Variants in OPCML observed in about 807,000 individuals in gnomAD.
The protein encoded by OPCML is opioid binding protein/cell adhesion molecule like, also known as opioid-binding protein/cell adhesion molecule.
Under a neutral mutation model 37.8 loss-of-function variants are expected in OPCML, and 13 were observed. That is an observed-to-expected ratio of 0.34 (90% CI 0.22 to 0.55). OPCML has a LOEUF of 0.55. Among genes scored for constraint, OPCML ranks in the 20% least tolerant of loss-of-function variants. The probability of loss-of-function intolerance (pLI) is 0.91; values close to 1 mark genes in which losing one functional copy is unlikely to be tolerated. For missense variants in OPCML, 341 were observed against 435.6 expected (o/e 0.78, Z 1.93); for synonymous variants, 176 against 168.8 (o/e 1.04, Z -0.33).
intron 1 of OPCML, among the ~76,000 whole-genome samples, chr11:133,463,119 CA>C (rs558107695): frequency 0.019 from 963 of 49,890 alleles, 1 homozygote; most frequent in Middle Eastern, 0.087. Flanking sequence ...ACATCAGGCT[CA>C]AAAAAAAAAA....
chr11:132,441,171 T>TTTTTGTTTTG (rs560032637), intron 4 of OPCML, among the ~76,000 whole-genome samples: 1 of 114,576 alleles, frequency 8.7e-6, no homozygotes, highest in African/African-American at 3.4e-5. Context: ...TTTTGTTTTT[T>TTTTTGTTTTG]TTTTTTTTTT....
At chr11:132,600,839 C>CTTTTTTTTTTTTTTTTTTT (rs145586468) in intron 3 of OPCML, among the ~76,000 whole-genome samples, 1 of 94,534 alleles carries the variant, frequency 1.1e-5, no homozygotes, top group Non-Finnish European at 1.9e-5. Context: ...AAATAGTTAA[C>CTTTTTTTTTTTTTTTTTTT]TTTTTTTTTT....
chr11:132,718,723 C>T (rs778182234), intron 2 of OPCML, among the ~76,000 whole-genome samples: 11 of 152,132 alleles, frequency 7.2e-5, no homozygotes, highest in African/African-American at 1.4e-4. Flanking sequence ...GAAGCACACG[C>T]GGGCACACAA....
At chr11:133,230,491 A>G (rs538002694) in intron 1 of OPCML, among the ~76,000 whole-genome samples, 1 of 152,328 alleles carries the variant, frequency 6.6e-6, no homozygotes, top group South Asian at 2.1e-4. Context: ...ACAAAAGCAC[A>G]GGCCTTGAAC....
At chr11:132,517,131 TC>T (rs2096281750) in intron 4 of OPCML, among the ~76,000 whole-genome samples, 2 of 152,210 alleles carry the variant, frequency 1.3e-5, no homozygotes, top group South Asian at 2.1e-4. Context: ...GGGATTATGT[TC>T]TACTTGGCTC....
intron 1 of OPCML, among the ~76,000 whole-genome samples, chr11:133,406,593 G>C (rs11827169): frequency 0.014 from 2,080 of 152,296 alleles, 50 homozygotes; most frequent in African/African-American, 0.048. Context: ...ATGCTGTCAG[G>C]ATATGCTGTG....
intron 2 of OPCML, among the ~76,000 whole-genome samples, chr11:132,827,768 C>G (rs10219331): frequency 6.6e-6 from 1 of 151,756 alleles, no homozygotes; most frequent in Non-Finnish European, 1.5e-5. Context: ...GCCTCCCCAG[C>G]AGCTAGGACT....
rs532066545 is a variant in OPCML, at chr11:132,583,912, C to A, written c.380-54726G>T. On this transcript the variant is annotated intron_variant, in intron 3 of 7. Transcript: ENST00000524381. Reference sequence around the variant, plus strand: ...TACAGGCATGAACCACTGTGCCCGGCCTATAGGCTGATTTTTTTTATAGTT... The same window carrying A: ...TACAGGCATGAACCACTGTGCCCGGACTATAGGCTGATTTTTTTTATAGTT... Among the ~76,000 whole-genome samples the A allele has an allele frequency of 3.3e-5, 5 of 152,204 alleles. No individual in the cohort carries two copies. In the South Asian group the frequency reaches 8.3e-4, roughly 25 times the overall value.
At chr11:133,019,896 A>G (rs1218230543) in intron 1 of OPCML, among the ~76,000 whole-genome samples, 1 of 152,178 alleles carries the variant, frequency 6.6e-6, no homozygotes, top group Admixed American at 6.5e-5. Flanking sequence ...CTGAGGGTCC[A>G]CTCAACCACA....
chr11:133,471,680 T>A (rs564724517), intron 1 of OPCML, among the ~76,000 whole-genome samples: 1 of 152,348 alleles, frequency 6.6e-6, no homozygotes, highest in African/African-American at 2.4e-5. Flanking sequence ...TTACAGCATA[T>A]TTTACGGACT....
At chr11:133,003,811 A>G in intron 1 of OPCML, 1 of 985,382 alleles carries the variant, frequency 1.0e-6, no homozygotes, top group South Asian at 4.7e-5. Context: ...CCCAACACAC[A>G]ATTTCTCCAA....
intron 1 of OPCML, among the ~76,000 whole-genome samples, chr11:133,334,903 T>C (rs768303682): frequency 6.6e-6 from 1 of 152,286 alleles, no homozygotes; most frequent in East Asian, 1.9e-4. Flanking sequence ...AATAAGCCCA[T>C]TGATGATGTG....
intron 1 of OPCML, among the ~76,000 whole-genome samples, chr11:133,417,797 G>A (rs1945801142): frequency 6.6e-6 from 1 of 152,064 alleles, no homozygotes; most frequent in Non-Finnish European, 1.5e-5. Context: ...TCTATGCCTT[G>A]TGTAAGGGGC....
chr11:132,841,947 G>A (rs80248381), intron 2 of OPCML, among the ~76,000 whole-genome samples: 11,095 of 146,008 alleles, frequency 0.076, 508 homozygotes, highest in Middle Eastern at 0.13. Context: ...GTCTTAGTTA[G>A]ACCCAGGTCA....
At chr11:132,789,597 C>T (rs1937759864) in intron 2 of OPCML, among the ~76,000 whole-genome samples, 1 of 152,122 alleles carries the variant, frequency 6.6e-6, no homozygotes, top group Non-Finnish European at 1.5e-5. Context: ...AGGAATACAG[C>T]AGTTGAGGTC....
chr11:133,026,642 T>C, intron 1 of OPCML: 1 of 950,486 alleles, frequency 1.1e-6, no homozygotes, highest in Non-Finnish European at 1.3e-6. Context: ...TTGCCTCTTG[T>C]TGTTTTGTGC....
At chr11:132,724,241 G>C (rs767554499) in intron 2 of OPCML, among the ~76,000 whole-genome samples, 3 of 152,170 alleles carry the variant, frequency 2.0e-5, no homozygotes, top group Non-Finnish European at 2.9e-5. Flanking sequence ...CCCTGGAAGA[G>C]AGAGAGAAAA....
At chr11:132,877,482 T>C (rs921318789) in intron 2 of OPCML, among the ~76,000 whole-genome samples, 5 of 152,196 alleles carry the variant, frequency 3.3e-5, no homozygotes, top group African/African-American at 1.2e-4. Flanking sequence ...ATTTGACTTC[T>C]CAGTTCTTCA....
chr11:133,528,478 G>A (rs532588882), intron 1 of OPCML, among the ~76,000 whole-genome samples: 8 of 152,254 alleles, frequency 5.3e-5, no homozygotes, highest in South Asian at 4.2e-4. Context: ...TAGCAGGTTC[G>A]CCGGCTCTGG....
Sources: gnomAD v4.1 joint callset for allele counts (sites outside exome capture counted in the v4.1 genomes callset) on GRCh38, gnomAD v4.1.1 for gene constraint, MANE v1.5 for transcripts, NCBI Gene and HGNC (gene_info 2026-07-23, HGNC 2026-07-21) for gene names.